TRAF3: variants seen among roughly 807,000 people sequenced by gnomAD.
TRAF3 encodes the protein TNF receptor associated factor 3, also known as TNF receptor-associated factor 3.
TRAF3 carries 13 observed loss-of-function variants against 62.3 expected under a neutral mutation model. The ratio of observed to expected loss-of-function variants is 0.21; its 90% CI spans 0.14 to 0.33. TRAF3 has a LOEUF of 0.33. Among genes scored for constraint, TRAF3 ranks in the 10% least tolerant of loss-of-function variants. The pLI, the probability that TRAF3 is intolerant of heterozygous loss-of-function variation, is 1.00. For synonymous variants in TRAF3, 269 were observed against 283.4 expected (o/e 0.95, Z 0.51); for missense variants, 440 against 741.8 (o/e 0.59, Z 4.73).
Position 102,897,347 on chromosome 14 carries a change from T to C in TRAF3, c.906T>C (p.Ile302=), listed in dbSNP as rs1890057369. The change falls in exon 10 of 12, where the codon ATT becomes ATC. Residue 302 remains isoleucine, a synonymous_variant. Coordinates refer to ENST00000392745, the MANE Select transcript of TRAF3 (RefSeq NM_145725.3). ...HNQICSFEIE[I]ERQKEMLRNN... is the part of the protein sequence containing the mutation. ...AGATATGTAGCTTTGAAATTGAAAT[T>C]GAGAGACAAAAGGAAATGCTTCGAA... 1 of 1,613,852 alleles carries C rather than the reference T, an allele frequency of 6.2e-7. No homozygotes were observed. The highest frequency in any genetic ancestry group is 1.3e-5 in the African/African-American group (1 of 74,878).
intron 6 of TRAF3, among the ~76,000 whole-genome samples, chr14:102,881,307 C>T (rs139737478): frequency 6.6e-6 from 1 of 151,972 alleles, no homozygotes; most frequent in Non-Finnish European, 1.5e-5. Flanking sequence ...TCACTTGGAC[C>T]CGGGAAGTGG....
chr14:102,865,842 A>G (rs185216917), intron 2 of TRAF3: 17 of 152,380 alleles, frequency 1.1e-4, no homozygotes, highest in African/African-American at 3.8e-4. Context: ...CACTATAAAT[A>G]AAGTCAAGCC....
chr14:102,779,269 CT>C (rs61309052), intron 1 of TRAF3, among the ~76,000 whole-genome samples: 768 of 123,116 alleles, frequency 6.2e-3, no homozygotes, highest in African/African-American at 0.023. Context: ...AGAATTCCAG[CT>C]TTTTTTTTTT....
At chr14:102,788,880 A>G (rs951565260) in intron 1 of TRAF3, among the ~76,000 whole-genome samples, 2 of 152,194 alleles carry the variant, frequency 1.3e-5, no homozygotes, top group African/African-American at 4.8e-5. Flanking sequence ...CTGAGGCAGG[A>G]GGATCGCTTG....
At chr14:102,820,388 C>T (rs929254522) in intron 1 of TRAF3, among the ~76,000 whole-genome samples, 3 of 151,888 alleles carry the variant, frequency 2.0e-5, no homozygotes, top group African/African-American at 7.3e-5. Flanking sequence ...CCCCTCTCTG[C>T]AGTCACACAC....
intron 9 of TRAF3, among the ~76,000 whole-genome samples, chr14:102,895,765 A>C (rs1425525518): frequency 6.6e-6 from 1 of 152,222 alleles, no homozygotes; most frequent in Admixed American, 6.5e-5. Flanking sequence ...TTGGGAGCTA[A>C]TTATCTTTCA....
intron 1 of TRAF3, chr14:102,810,578 A>C (rs1044015270): frequency 2.0e-5 from 3 of 152,244 alleles, no homozygotes; most frequent in Non-Finnish European, 2.9e-5. Flanking sequence ...GGTATTTGAC[A>C]TGCAGATGGG....
At chr14:102,794,163 C>A (rs1417968269) in intron 1 of TRAF3, among the ~76,000 whole-genome samples, 1 of 41,152 alleles carries the variant, frequency 2.4e-5, no homozygotes, top group Non-Finnish European at 1.2e-4. Flanking sequence ...AGCTGCCAGT[C>A]TCTCTCTCTC....
intron 1 of TRAF3, among the ~76,000 whole-genome samples, chr14:102,817,059 G>A (rs148105046): frequency 6.6e-6 from 1 of 152,158 alleles, no homozygotes; most frequent in African/African-American, 2.4e-5. Flanking sequence ...CATTGCCAGA[G>A]GCAGATCAGA....
In TRAF3 at chr14:102,903,202, G is replaced by A; in HGVS notation, c.961-53G>A. 2 of 1,612,226 alleles carry A rather than the reference G, an allele frequency of 1.2e-6. No individual in the cohort carries two copies. Among genetic ancestry groups the A allele is most frequent in the Non-Finnish European group, 1.7e-6 (2 of 1,178,412 alleles). ...TCTGTATTTGATGGAAGGTGGTGCA[G>A]CATTTTCCGAGTCCTAACTGTGTTT... On this transcript the variant is annotated intron_variant, in intron 10 of 11. Transcript: ENST00000392745. The surrounding 1 kb of genome is among the most constrained non-coding windows in gnomAD (Gnocchi z 6.4).
intron 3 of TRAF3, among the ~76,000 whole-genome samples, chr14:102,871,149 C>T (rs1888319483): frequency 1.3e-5 from 2 of 152,218 alleles, no homozygotes; most frequent in Non-Finnish European, 1.5e-5. Context: ...TTGCCAGCTC[C>T]TCCTCCCACA....
rs1454386718 is a variant in TRAF3, at chr14:102,909,393, C to T, written c.*3609C>T. 1 of 152,398 alleles carries T rather than the reference C, an allele frequency of 6.6e-6. No individual in the cohort carries two copies. 9.4% of individuals were successfully genotyped at this position (152,398 alleles called of 1,614,324 possible). A position where few individuals can be genotyped will look rare whatever the true frequency, so the allele number is the denominator to read the frequency against. ...TGCAGCCCCATTCCACCACCCCTTCCTCCCCAGAGCAGTCTCTGCCGAGGG... is the reference window on the plus strand; with the variant it reads ...TGCAGCCCCATTCCACCACCCCTTCTTCCCCAGAGCAGTCTCTGCCGAGGG... On this transcript the variant is annotated 3_prime_UTR_variant, in exon 12 of 12. Coordinates refer to ENST00000392745, the MANE Select transcript of TRAF3 (RefSeq NM_145725.3).
intron 3 of TRAF3, 80 bp downstream of exon 3, chr14:102,870,526 A>T (rs1313587538): frequency 1.3e-6 from 2 of 1,559,342 alleles, no homozygotes; most frequent in African/African-American, 1.4e-5. Flanking sequence ...TTTCTCTAAA[A>T]ATAAACCTCT....
intron 1 of TRAF3, among the ~76,000 whole-genome samples, chr14:102,805,723 C>G (rs1898730312): frequency 6.6e-6 from 1 of 152,178 alleles, no homozygotes; most frequent in Admixed American, 6.5e-5. Flanking sequence ...GTCATGCATT[C>G]CCTCAGCTAG....
chr14:102,803,345 G>A (rs1898560857), intron 1 of TRAF3, among the ~76,000 whole-genome samples: 1 of 152,148 alleles, frequency 6.6e-6, no homozygotes, highest in African/African-American at 2.4e-5. Context: ...AGCGTGAGGT[G>A]GGGTGGTGGC....
intron 2 of TRAF3, among the ~76,000 whole-genome samples, chr14:102,860,459 T>C (rs1164039038): frequency 1.3e-5 from 2 of 152,184 alleles, no homozygotes; most frequent in Non-Finnish European, 2.9e-5. Context: ...AGCTTGAATA[T>C]CGACTTTTAA....
intron 2 of TRAF3, among the ~76,000 whole-genome samples, chr14:102,835,091 AG>A (rs1217097886): frequency 1.3e-5 from 2 of 152,232 alleles, no homozygotes; most frequent in Non-Finnish European, 1.5e-5. Flanking sequence ...AAGTGGGCAA[AG>A]GGCATGCACA....
intron 10 of TRAF3, among the ~76,000 whole-genome samples, chr14:102,901,740 G>A (rs368195323): frequency 4.8e-4 from 73 of 152,156 alleles, no homozygotes; most frequent in East Asian, 3.8e-4. Flanking sequence ...CTGCTTTTAC[G>A]CCCAAAAAGC....
Position 102,901,365 on chromosome 14 carries a change from A to G in TRAF3, c.961-1890A>G, listed in dbSNP as rs557604050. On this transcript the variant is annotated intron_variant, in intron 10 of 11. Coordinates refer to ENST00000392745, the MANE Select transcript of TRAF3 (RefSeq NM_145725.3). ...TTCATTTCGGGGTTTGCTAAGTTAC[A>G]AAGGGCGTCTCTCAGACCTCTGTTG... 1.7e-3 allele frequency among the ~76,000 whole-genome samples: 258 copies of G among 152,262 alleles called. 1 individual carries two copies. The highest frequency in any genetic ancestry group is 6.1e-3 in the African/African-American group (253 of 41,552).
Sources: allele counts gnomAD v4.1 joint callset (sites outside exome capture counted in the v4.1 genomes callset), GRCh38; gene constraint gnomAD v4.1.1; non-coding constraint Gnocchi (gnomAD v3.1); transcripts MANE v1.5; gene names NCBI Gene and HGNC (gene_info 2026-07-23, HGNC 2026-07-21).